The following INTS4 variants were observed in gnomAD, a reference collection of about 807,000 sequenced individuals.
INTS4 encodes integrator complex subunit 4, also known as MSTP093.
Under a neutral mutation model 119.5 loss-of-function variants are expected in INTS4, and 70 were observed. That is an observed-to-expected ratio of 0.59 (90% confidence interval 0.48 to 0.71). The LOEUF (loss-of-function observed/expected upper bound fraction) is 0.71. INTS4 is among the 30% of genes least tolerant of loss of function. INTS4 has a pLI of 0.00. For missense variants in INTS4, 867 were observed against 1,173.2 expected, an observed-to-expected ratio of 0.74 and a Z score of 3.81; for synonymous variants, 316 against 419.6, an observed-to-expected ratio of 0.75 and a Z score of 3.02.
At chr11:77,928,626 C>A in intron 10 of INTS4, 79 bp from the exon 11 acceptor site, 1 of 1,524,972 alleles carries the variant, frequency 6.6e-7, no homozygotes, top group South Asian at 1.2e-5. Context: ...CTTTGGGAGG[C>A]CAAGGGAGGC....
chr11:77,922,241 A>G (rs1953381264), intron 13 of INTS4, 115 bp downstream of exon 13: 4 of 1,398,698 alleles, frequency 2.9e-6, no homozygotes, highest in South Asian at 1.5e-5. Flanking sequence ...AAAAAAAAAA[A>G]AAAAAGAAAG....
intron 15 of INTS4, among the ~76,000 whole-genome samples, chr11:77,909,888 G>A (rs1476694380): frequency 2.0e-5 from 3 of 152,204 alleles, no homozygotes; most frequent in South Asian, 2.1e-4. Flanking sequence ...CAAAACCACA[G>A]TGAGATACCA....
intron 10 of INTS4, among the ~76,000 whole-genome samples, chr11:77,936,746 A>G (rs1235398323): frequency 2.0e-5 from 3 of 152,190 alleles, no homozygotes; most frequent in Non-Finnish European, 4.4e-5. Context: ...ACAAAGAGAA[A>G]ATAAAAACTG....
intron 8 of INTS4, among the ~76,000 whole-genome samples, chr11:77,949,550 G>A (rs1309604132): frequency 6.7e-6 from 1 of 149,784 alleles, no homozygotes; most frequent in African/African-American, 2.4e-5. Flanking sequence ...TCAAAAAGTG[G>A]GTGAAGGATA....
rs369204427 is a variant in INTS4, at chr11:77,896,129, G to A, written c.2229-1780C>T. Among the ~76,000 whole-genome samples the A allele has an allele frequency of 4.8e-4, 73 of 152,114 alleles. No homozygotes were observed. In the East Asian group the frequency reaches 0.012, roughly 24 times the overall value. ...TTTAAAAATTCTAATCAACAACCTC[G>A]GTGAGAGTTAACAGGGGATTTAAAA... is the stretch of plus-strand genomic sequence containing the variant. On this transcript the variant is annotated intron_variant, in intron 18 of 22. Coordinates refer to ENST00000534064, the MANE Select transcript of INTS4 (RefSeq NM_033547.4).
chr11:77,876,158 A>G (rs1312692730), downstream of INTS4, among the ~76,000 whole-genome samples: 2 of 152,154 alleles, frequency 1.3e-5, no homozygotes, highest in African/African-American at 4.8e-5. Flanking sequence ...CTTTTGTATG[A>G]GGGATGAGGA....
chr11:77,896,514 C>T lies in INTS4; in HGVS notation c.2229-2165G>A, dbSNP rs544943850. ...CTAAAAATACAAAATTAGCCGGGTA[C>T]AGTGGCGCATGCCTGTAATCCCAGC... On this transcript the variant is annotated intron_variant, in intron 18 of 22. Transcript: ENST00000534064. 4.6e-5 allele frequency among the ~76,000 whole-genome samples: 7 copies of T among 151,942 alleles called. No individual in the cohort carries two copies. The South Asian group carries it at 1.2e-3, about 27-fold the overall frequency.
Position 77,956,815 on chromosome 11 carries a change from A to G in INTS4, c.798-753T>C, listed in dbSNP as rs1323050112. On this transcript the variant is annotated intron_variant, in intron 7 of 22. Transcript: ENST00000534064. ...CAGGCTCAATAAACTGAGAACAGTC[A>G]ATGAAGACTGACACACACAAAAATG... Among the ~76,000 whole-genome samples, 3 of 151,958 alleles carry G rather than the reference A, an allele frequency of 2.0e-5. No homozygotes were observed. In the East Asian group the frequency reaches 5.8e-4, roughly 29 times the overall value.
chr11:77,967,111 T>C (rs1855538319), intron 4 of INTS4, among the ~76,000 whole-genome samples: 1 of 152,226 alleles, frequency 6.6e-6, no homozygotes, highest in Non-Finnish European at 1.5e-5. Context: ...AAGCATCTTT[T>C]CATATTGGAT....
At chr11:77,920,857 G>T (rs1172960756) in intron 14 of INTS4, among the ~76,000 whole-genome samples, 1 of 150,786 alleles carries the variant, frequency 6.6e-6, no homozygotes, top group Non-Finnish European at 1.5e-5. Flanking sequence ...GTCTCAAAAA[G>T]TAATAATAAT....
chr11:77,881,622 T>G (rs1199172322), intron 22 of INTS4, among the ~76,000 whole-genome samples: 1 of 152,220 alleles, frequency 6.6e-6, no homozygotes, highest in Non-Finnish European at 1.5e-5. Flanking sequence ...TGAATTTTTA[T>G]TGCACATTTA....
In INTS4 at chr11:77,948,475, G is replaced by A. The variant is rs141607753; in HGVS notation, c.919-7224C>T. On this transcript the variant is annotated intron_variant, in intron 8 of 22. Transcript: ENST00000534064. ...CAGCATGGCCAACATGTCAAAACCC[G>A]TCTCTAATAAAAATGCAAAAAAATT... Among the ~76,000 whole-genome samples the A allele has an allele frequency of 1.4e-3, 211 of 151,908 alleles. 3 individuals carry two copies. The highest frequency in any genetic ancestry group is 0.012 in the East Asian group (63 of 5,136).
At position 77,981,456 on chromosome 11, in the gene INTS4, T is replaced by C; in HGVS notation, c.364+3A>G. 7.0e-7 allele frequency: 1 copy of C among 1,433,816 alleles called. No individual in the cohort carries two copies. Among genetic ancestry groups the C allele is most frequent in the Non-Finnish European group, 9.5e-7 (1 of 1,053,080 alleles). 88.8% of individuals were successfully genotyped at this position (1,433,816 alleles called of 1,614,324 possible). On this transcript the variant is annotated splice_donor_region_variant and intron_variant, in intron 3 of 22. Transcript: ENST00000534064. ...ACTATAGAGCTTTTAAATTGCAACTTACTTTCATTCTGCAGGATGTTGATG... is the reference window on the plus strand; with the variant it reads ...ACTATAGAGCTTTTAAATTGCAACTCACTTTCATTCTGCAGGATGTTGATG...
chr11:77,989,036 A>C (rs1489186097), intron 2 of INTS4, among the ~76,000 whole-genome samples: 2 of 152,210 alleles, frequency 1.3e-5, no homozygotes, highest in Non-Finnish European at 2.9e-5. Context: ...GAATTACTTA[A>C]CTTTATTCAT....
At chr11:77,925,583 A>G (rs1227737833) in intron 11 of INTS4, among the ~76,000 whole-genome samples, 1 of 152,228 alleles carries the variant, frequency 6.6e-6, no homozygotes, top group Non-Finnish European at 1.5e-5. Context: ...GTGAATTTCA[A>G]GATTTCAAGA....
chr11:77,903,162 G>C (rs546614515), intron 17 of INTS4, among the ~76,000 whole-genome samples: 2 of 152,358 alleles, frequency 1.3e-5, no homozygotes, highest in East Asian at 3.9e-4. Flanking sequence ...CCTGGGACTA[G>C]GACCCAGGTC....
chr11:77,917,457 G>T (rs1156845228), intron 15 of INTS4, among the ~76,000 whole-genome samples: 1 of 151,690 alleles, frequency 6.6e-6, no homozygotes, highest in Non-Finnish European at 1.5e-5. Context: ...GGGATTACAG[G>T]CGCGTGCCAC....
intron 8 of INTS4, among the ~76,000 whole-genome samples, chr11:77,946,914 C>CA (rs56289022): frequency 1 from 149,991 of 149,992 alleles, 74,995 homozygotes; most frequent in Non-Finnish European, 1. Context: ...ATCAGGAAAA[C>CA]ATTCATGATC....
At chr11:77,963,375 C>G (rs200349657) in intron 4 of INTS4, 2 of 179,984 alleles carry the variant, frequency 1.1e-5, no homozygotes, top group Non-Finnish European at 2.1e-5. Flanking sequence ...AAAAAAAAAA[C>G]AAAAAAAACT....
Sources: gnomAD v4.1 joint callset for allele counts (sites outside exome capture counted in the v4.1 genomes callset) on GRCh38, gnomAD v4.1.1 for gene constraint, MANE v1.5 for transcripts, NCBI Gene and HGNC (gene_info 2026-07-23, HGNC 2026-07-21) for gene names.